CHLSN: variants seen among roughly 807,000 people sequenced by gnomAD.
CHLSN encodes protein cholesin.
chr7:1,126,861 A>T, the CHLSN span, among the ~76,000 whole-genome samples: 2 of 152,160 alleles, frequency 1.3e-5, no homozygotes, highest in African/African-American at 4.8e-5. Context: ...GAACATTTCT[A>T]GATGTGCATT....
the CHLSN span, chr7:985,156 T>A: frequency 6.3e-7 from 1 of 1,591,928 alleles, no homozygotes; most frequent in Non-Finnish European, 8.5e-7. Flanking sequence ...GAGGCCCGTC[T>A]CCCTCGCAGG....
the CHLSN span, chr7:1,000,373 C>T: frequency 9.2e-6 from 10 of 1,086,238 alleles, no homozygotes; most frequent in Admixed American, 7.7e-5. Context: ...GTGCCTGCCC[C>T]GCCGTGCACA....
chr7:1,054,387 G>A, the CHLSN span, among the ~76,000 whole-genome samples: 1 of 152,328 alleles, frequency 6.6e-6, no homozygotes, highest in South Asian at 2.1e-4. Context: ...TTTGTCAGCT[G>A]CCAGTAAACA....
chr7:1,002,434 G>C, the CHLSN span, among the ~76,000 whole-genome samples: 1 of 116,686 alleles, frequency 8.6e-6, no homozygotes, highest in African/African-American at 3.4e-5. Context: ...TGTGGGTGGG[G>C]AGTCCTGTGG....
the CHLSN span, among the ~76,000 whole-genome samples, chr7:1,032,342 G>A: frequency 6.6e-6 from 1 of 152,242 alleles, no homozygotes; most frequent in Non-Finnish European, 1.5e-5. Flanking sequence ...CCTCGGCGAG[G>A]CTCCTGTCTG....
the CHLSN span, among the ~76,000 whole-genome samples, chr7:1,066,714 C>T: frequency 1.3e-5 from 2 of 152,196 alleles, no homozygotes; most frequent in South Asian, 2.1e-4. Flanking sequence ...CTGGGGAGGC[C>T]GATGCCCATC....
the CHLSN span, among the ~76,000 whole-genome samples, chr7:1,122,195 C>A: frequency 6.6e-6 from 1 of 152,336 alleles, no homozygotes; most frequent in Admixed American, 6.5e-5. Flanking sequence ...CTGCCCCTGG[C>A]ACCTCCAGGC....
At chr7:1,079,233 C>T in the CHLSN span, among the ~76,000 whole-genome samples, 1 of 152,208 alleles carries the variant, frequency 6.6e-6, no homozygotes, top group African/African-American at 2.4e-5. Flanking sequence ...CAGGGACACA[C>T]CTGAGGCTGC....
At chr7:1,105,906 T>A in the CHLSN span, among the ~76,000 whole-genome samples, 6 of 152,318 alleles carry the variant, frequency 3.9e-5, no homozygotes, top group Admixed American at 2.6e-4. Flanking sequence ...AGACCATGTA[T>A]AAATCAAATC....
chr7:1,108,491 A>C, the CHLSN span, among the ~76,000 whole-genome samples: 1 of 152,178 alleles, frequency 6.6e-6, no homozygotes, highest in Non-Finnish European at 1.5e-5. Flanking sequence ...CACGGCCCAA[A>C]CGCACGGGTG....
the CHLSN span, among the ~76,000 whole-genome samples, chr7:1,018,000 A>C: frequency 6.6e-6 from 1 of 152,224 alleles, no homozygotes; most frequent in African/African-American, 2.4e-5. Flanking sequence ...AGTAGAACTT[A>C]GCCCAAATTT....
chr7:1,123,578 C>G, the CHLSN span, among the ~76,000 whole-genome samples: 1 of 152,114 alleles, frequency 6.6e-6, no homozygotes, highest in Non-Finnish European at 1.5e-5. This position sits in a 1 kb window ranked among gnomAD's most constrained non-coding sequence, Gnocchi z 4.4. Flanking sequence ...TTGGGTTCAG[C>G]TTCACAAAAC....
chr7:1,009,844 G>A, the CHLSN span: 2 of 1,026,622 alleles, frequency 1.9e-6, no homozygotes, highest in African/African-American at 1.6e-5. Flanking sequence ...ATACCTCACT[G>A]CTCTAGAACC....
the CHLSN span, among the ~76,000 whole-genome samples, chr7:1,022,311 G>A: frequency 6.6e-6 from 1 of 152,148 alleles, no homozygotes; most frequent in African/African-American, 2.4e-5. Context: ...CCCCACCCAG[G>A]GGTTCCAAGG....
the CHLSN span, among the ~76,000 whole-genome samples, chr7:1,094,404 C>T: frequency 0.084 from 12,750 of 152,274 alleles, 675 homozygotes; most frequent in Non-Finnish European, 0.11. Flanking sequence ...CCTGTGTTTG[C>T]GGTTCTGGTC....
the CHLSN span, among the ~76,000 whole-genome samples, chr7:1,103,533 G>A: frequency 1.3e-5 from 2 of 152,212 alleles, no homozygotes; most frequent in African/African-American, 2.4e-5. Flanking sequence ...AAGTTCAACT[G>A]TATCAGGAGA....
At chr7:1,040,850 T>A in the CHLSN span, among the ~76,000 whole-genome samples, 2 of 152,118 alleles carry the variant, frequency 1.3e-5, no homozygotes, top group South Asian at 2.1e-4. Flanking sequence ...CTAGAACACA[T>A]AAACAACGAG....
At chr7:978,520 A>G in the CHLSN span, among the ~76,000 whole-genome samples, 1 of 152,220 alleles carries the variant, frequency 6.6e-6, no homozygotes, top group African/African-American at 2.4e-5. Context: ...CCTTGTCTAC[A>G]AGAAAAAAGG....
At chr7:1,036,240 G>GC in the CHLSN span, among the ~76,000 whole-genome samples, 2 of 152,216 alleles carry the variant, frequency 1.3e-5, no homozygotes, top group African/African-American at 4.8e-5. Flanking sequence ...ACCAAGAGGG[G>GC]CCCCCCATAA....
Sources: allele counts gnomAD v4.1 joint callset (sites outside exome capture counted in the v4.1 genomes callset), GRCh38; gene constraint gnomAD v4.1.1; non-coding constraint Gnocchi (gnomAD v3.1); transcripts MANE v1.5; gene names NCBI Gene and HGNC (gene_info 2026-07-23, HGNC 2026-07-21).